The following CETN3 variants were observed in gnomAD, a reference collection of about 807,000 sequenced individuals.
The protein encoded by CETN3 is centrin-3.
CETN3 carries 17 observed loss-of-function variants against 20.1 expected under a neutral mutation model. The ratio of observed to expected loss-of-function variants is 0.85; its 90% CI spans 0.58 to 1.27. The LOEUF (loss-of-function observed/expected upper bound fraction) is 1.27, where lower values mean the gene tolerates loss of function less well. Among genes scored for constraint, CETN3 ranks in the 50% most tolerant of loss-of-function variants. The probability of loss-of-function intolerance (pLI) is 0.00; values close to 1 mark genes in which losing one functional copy is unlikely to be tolerated. For synonymous variants in CETN3, 52 were observed against 59.7 expected (o/e 0.87, Z 0.59); for missense variants, 169 against 191.2 (o/e 0.88, Z 0.69).
intron 4 of CETN3, among the ~76,000 whole-genome samples, chr5:90,394,981 T>C (rs2151881481): frequency 6.6e-6 from 1 of 152,280 alleles, no homozygotes; most frequent in East Asian, 1.9e-4. Flanking sequence ...ACTTAATACA[T>C]ACCTAAACAA....
chr5:90,407,727 T>C lies in CETN3; in HGVS notation c.125A>G (p.Asp42Gly). 4.5e-6 allele frequency: 7 copies of C among 1,563,536 alleles called. No homozygotes were observed. Among genetic ancestry groups the C allele is most frequent in the Non-Finnish European group, 5.2e-6 (6 of 1,144,824 alleles). The part of the protein sequence containing the change: ...DAFELFDTDK[D>G]EAIDYHELKV... ...TAATTCATGATAATCTATTGCTTCA[T>C]CTTTGTCTGTATCAAATAGTTCAAA... The change falls in exon 2 of 5, where the codon GAT becomes GGT. Residue 42 changes from aspartate (D) to glycine (G), a missense_variant. Asp to Gly is a moderately conservative substitution (Grantham distance 94, BLOSUM62 -1). Coordinates refer to ENST00000283122, the MANE Select transcript of CETN3 (RefSeq NM_004365.4).
intron 2 of CETN3, 118 bp downstream of exon 2, chr5:90,407,581 C>T (rs895415451): frequency 7.8e-6 from 5 of 643,624 alleles, no homozygotes; most frequent in African/African-American, 7.6e-5. Context: ...GCTTAAAATG[C>T]CTTCATAGTT....
chr5:90,399,010 A>G (rs559642543), intron 4 of CETN3: 1 of 399,814 alleles, frequency 2.5e-6, no homozygotes, highest in South Asian at 3.5e-5. Flanking sequence ...GACAGCCACA[A>G]TGGACAAAGA....
chr5:90,405,366 T>G (rs1240164721), intron 3 of CETN3: 1 of 323,688 alleles, frequency 3.1e-6, no homozygotes, highest in Non-Finnish European at 5.5e-6. Flanking sequence ...CAAAAATAAT[T>G]TTTTGATCAC....
chr5:90,407,324 C>A (rs1580165425), intron 2 of CETN3, among the ~76,000 whole-genome samples: 1 of 152,048 alleles, frequency 6.6e-6, no homozygotes, highest in East Asian at 1.9e-4. Context: ...TAAAAGACAA[C>A]ACTCCCACAG....
At chr5:90,403,881 A>G (rs1230199694) in intron 3 of CETN3, among the ~76,000 whole-genome samples, 24 of 115,758 alleles carry the variant, frequency 2.1e-4, no homozygotes, top group South Asian at 2.3e-4. Flanking sequence ...AAAAGAAAAA[A>G]AAAAAAAAAA....
rs1321577035 is a variant in CETN3, at chr5:90,409,554, G to A, written c.17+91C>T. On this transcript the variant is annotated intron_variant, in intron 1 of 4. Coordinates refer to ENST00000283122, the MANE Select transcript of CETN3 (RefSeq NM_004365.4). ...CGTCCCAAACTACATCCCCTGCCTCGCCTCGGCCCCAAACGTCCTCCCTTC... is the reference window on the plus strand; with the variant it reads ...CGTCCCAAACTACATCCCCTGCCTCACCTCGGCCCCAAACGTCCTCCCTTC... The A allele has an allele frequency of 4.7e-6, 7 of 1,482,604 alleles. No homozygotes were observed. The Admixed American group carries it at 1.0e-4, about 21-fold the overall frequency. 91.8% of individuals were successfully genotyped at this position (1,482,604 alleles called of 1,614,324 possible). A position where few individuals can be genotyped will look rare whatever the true frequency, so the allele number is the denominator to read the frequency against.
chr5:90,407,369 CA>C (rs1749479700), intron 2 of CETN3, among the ~76,000 whole-genome samples: 1 of 151,798 alleles, frequency 6.6e-6, no homozygotes. Flanking sequence ...GAAACAAAAA[CA>C]AAAACAAAAA....
At position 90,399,373 on chromosome 5, in the gene CETN3, C is replaced by A. The variant is rs776080536; in HGVS notation, c.445G>T (p.Asp149Tyr). ...LRAMIEEFDKDGDGEINQEEF... is the reference protein window; with the variant it reads ...LRAMIEEFDKYGDGEINQEEF... ...TAAAACTTACTTTCTCCATCACCAT[C>A]TTTGTCAAATTCTTCTATCATAGCT... The change falls in exon 4 of 5, where the codon GAT (aspartate) becomes TAT (tyrosine). Residue 149 changes from aspartate to tyrosine, a missense_variant. Asp to Tyr is a radical substitution (Grantham distance 160). Coordinates refer to ENST00000283122, the MANE Select transcript of CETN3 (RefSeq NM_004365.4). The A allele has an allele frequency of 6.2e-7, 1 of 1,613,978 alleles. No individual in the cohort carries two copies. The highest frequency in any genetic ancestry group is 8.5e-7 in the Non-Finnish European group (1 of 1,179,932).
At chr5:90,405,456 T>C in intron 3 of CETN3, 1 of 496,498 alleles carries the variant, frequency 2.0e-6, no homozygotes, top group Non-Finnish European at 3.5e-6. Flanking sequence ...AATAGTTCCT[T>C]GGTTAGAATC....
chr5:90,396,442 T>C, intron 4 of CETN3: 2 of 1,513,416 alleles, frequency 1.3e-6, no homozygotes, highest in Non-Finnish European at 1.8e-6. Context: ...CTCTTTCCAA[T>C]AAATACAGTT....
At chr5:90,408,064 C>T (rs779924749) in intron 1 of CETN3, among the ~76,000 whole-genome samples, 22 of 152,110 alleles carry the variant, frequency 1.4e-4, no homozygotes, top group Non-Finnish European at 2.1e-4. Context: ...GAGGACCAAA[C>T]TTTTCTTTTT....
Position 90,393,669 on chromosome 5 carries a change from G to GAGGGTTAAC in CETN3, c.*386_*394dup, listed in dbSNP as rs1360280918. ...GGGAAGATTTAAGAAATCCACTCTTGAGGGTTAACAGATACTAGGAATAAA... is the reference window on the plus strand; with the variant it reads ...GGGAAGATTTAAGAAATCCACTCTTGAGGGTTAACAGGGTTAACAGATACTAGGAATAAA... On this transcript the variant is annotated 3_prime_UTR_variant, in exon 5 of 5. Transcript: ENST00000283122. 6.5e-6 allele frequency: 1 copy of GAGGGTTAAC among 152,798 alleles called. No individual in the cohort carries two copies. The highest frequency in any genetic ancestry group is 1.5e-5 in the Non-Finnish European group (1 of 68,370). 9.5% of individuals were successfully genotyped at this position (152,798 alleles called of 1,614,324 possible).
intron 1 of CETN3, among the ~76,000 whole-genome samples, chr5:90,409,367 TCCCA>T (rs1266158739): frequency 1.3e-5 from 2 of 152,138 alleles, no homozygotes; most frequent in African/African-American, 4.8e-5. Context: ...GATATTTCAT[TCCCA>T]CCTCGCTCGC....
intron 4 of CETN3, among the ~76,000 whole-genome samples, chr5:90,397,615 C>CAT (rs1749165550): frequency 6.6e-6 from 1 of 152,108 alleles, no homozygotes; most frequent in Non-Finnish European, 1.5e-5. Context: ...TACACTGCTT[C>CAT]CTATAATAGC....
At chr5:90,408,834 T>A (rs1016888997) in intron 1 of CETN3, among the ~76,000 whole-genome samples, 10 of 148,418 alleles carry the variant, frequency 6.7e-5, no homozygotes, top group Non-Finnish European at 1.3e-4. Context: ...AAGTGACTAG[T>A]AGGTGCAGTA....
At chr5:90,403,470 T>C (rs1749353015) in intron 3 of CETN3, among the ~76,000 whole-genome samples, 1 of 152,202 alleles carries the variant, frequency 6.6e-6, no homozygotes, top group African/African-American at 2.4e-5. Context: ...CACATCTATT[T>C]ATTCTAGAAG....
chr5:90,405,398 T>C (rs929027992), intron 3 of CETN3: 6 of 408,358 alleles, frequency 1.5e-5, no homozygotes, highest in Middle Eastern at 6.3e-4. Flanking sequence ...TATCACATAA[T>C]ATAAATACAA....
At chr5:90,403,018 GT>G (rs1180078862) in intron 3 of CETN3, among the ~76,000 whole-genome samples, 1 of 152,148 alleles carries the variant, frequency 6.6e-6, no homozygotes, top group Non-Finnish European at 1.5e-5. Flanking sequence ...GTGTACAAAC[GT>G]TTGACTTATG....
Sources: gnomAD v4.1 joint callset for allele counts (sites outside exome capture counted in the v4.1 genomes callset) on GRCh38, gnomAD v4.1.1 for gene constraint, MANE v1.5 for transcripts, NCBI Gene and HGNC (gene_info 2026-07-23, HGNC 2026-07-21) for gene names.